The following MEMO1 variants were observed in gnomAD, a reference collection of about 807,000 sequenced individuals.
MEMO1 encodes the protein protein MEMO1.
Under a neutral mutation model 45.2 loss-of-function variants are expected in MEMO1, and 6 were observed. That is an observed-to-expected ratio of 0.13 (90% CI 0.07 to 0.26). The LOEUF (loss-of-function observed/expected upper bound fraction) is 0.26, where lower values mean the gene tolerates loss of function less well. MEMO1 is among the 10% of genes least tolerant of loss of function. The pLI, the probability that MEMO1 is intolerant of heterozygous loss-of-function variation, is 1.00. For synonymous variants in MEMO1, 78 were observed against 124.3 expected, an observed-to-expected ratio of 0.63 and a Z score of 2.48; for missense variants, 184 against 370.5, an observed-to-expected ratio of 0.50 and a Z score of 4.13.
chr2:31,964,435 G>A (rs1402779211), intron 2 of MEMO1, among the ~76,000 whole-genome samples: 3 of 152,102 alleles, frequency 2.0e-5, no homozygotes, highest in Non-Finnish European at 4.4e-5. Context: ...GGTGGCTCAC[G>A]CCTGTAATTC....
At chr2:31,955,224 C>T (rs1035258385) in intron 2 of MEMO1, among the ~76,000 whole-genome samples, 2 of 151,668 alleles carry the variant, frequency 1.3e-5, no homozygotes, top group Non-Finnish European at 2.9e-5. Flanking sequence ...AACAAACAAA[C>T]GTGAGGCCCA....
rs1000594569 is a variant in MEMO1, at chr2:31,885,539, C to T, written c.581-2077G>A. Reference sequence around the variant, plus strand: ...TGATACTAAATTTTTACTTCTATTTCAAAGTTATTTTGACAAAGCTGTCCA... The same window carrying T: ...TGATACTAAATTTTTACTTCTATTTTAAAGTTATTTTGACAAAGCTGTCCA... On this transcript the variant is annotated intron_variant, in intron 7 of 9. Transcript: ENST00000404530. 4.6e-5 allele frequency among the ~76,000 whole-genome samples: 7 copies of T among 152,296 alleles called. No homozygotes were observed. In the East Asian group the frequency reaches 1.3e-3, roughly 29 times the overall value.
intron 3 of MEMO1, among the ~76,000 whole-genome samples, chr2:31,942,908 A>G (rs922418160): frequency 4.0e-4 from 61 of 152,362 alleles, no homozygotes; most frequent in African/African-American, 1.4e-3. Context: ...TCAGCTCAGT[A>G]TAGACTTCAG....
At chr2:31,897,795 C>A (rs1678100730) in intron 6 of MEMO1, among the ~76,000 whole-genome samples, 1 of 152,144 alleles carries the variant, frequency 6.6e-6, no homozygotes, top group Non-Finnish European at 1.5e-5. Context: ...AGGAATGGTA[C>A]CAGCTCCTCT....
rs184639527 is a variant in MEMO1, at chr2:31,907,345, G to A, written c.437+10581C>T. Among the ~76,000 whole-genome samples, 4 of 151,874 alleles carry A rather than the reference G, an allele frequency of 2.6e-5. No individual in the cohort carries two copies. In the East Asian group the frequency reaches 7.7e-4, roughly 29 times the overall value. ...GGCTACAAGATGAGAAAACAAATAG[G>A]GTGTTTCCTTATTTTTGTATTCTCC... On this transcript the variant is annotated intron_variant, in intron 6 of 9. Coordinates refer to ENST00000404530, the MANE Select transcript of MEMO1 (RefSeq NM_001301833.4).
At chr2:31,975,965 G>C (rs1446198096) in intron 2 of MEMO1, among the ~76,000 whole-genome samples, 1 of 152,052 alleles carries the variant, frequency 6.6e-6, no homozygotes, top group Non-Finnish European at 1.5e-5. Context: ...CACAATCTCA[G>C]CTCACCGTAA....
intron 6 of MEMO1, among the ~76,000 whole-genome samples, chr2:31,912,024 T>A (rs1257548620): frequency 6.6e-6 from 1 of 152,034 alleles, no homozygotes; most frequent in South Asian, 2.1e-4. Context: ...TGAACCTCCC[T>A]CAAGAGCAAT....
chr2:31,892,930 A>T (rs933208169), intron 6 of MEMO1, among the ~76,000 whole-genome samples: 1 of 152,128 alleles, frequency 6.6e-6, no homozygotes, highest in Non-Finnish European at 1.5e-5. Context: ...AACCTTTTTT[A>T]AAAATGTTAT....
At chr2:31,889,058 T>C (rs949599366) in intron 7 of MEMO1, among the ~76,000 whole-genome samples, 2 of 152,028 alleles carry the variant, frequency 1.3e-5, no homozygotes, top group African/African-American at 4.8e-5. Context: ...ACAAGAAAAA[T>C]CTTTCCAATT....
chr2:32,003,299 T>C (rs998343387), intron 2 of MEMO1, among the ~76,000 whole-genome samples: 3 of 152,222 alleles, frequency 2.0e-5, no homozygotes, highest in African/African-American at 7.2e-5. Flanking sequence ...ATATATATCA[T>C]AGAAATACTT....
intron 2 of MEMO1, among the ~76,000 whole-genome samples, chr2:31,956,637 A>G (rs538199618): frequency 6.6e-6 from 1 of 152,374 alleles, no homozygotes; most frequent in African/African-American, 2.4e-5. Flanking sequence ...AGTTAAATAA[A>G]TTATGGCAGA....
chr2:31,956,076 C>T (rs1419273427), intron 2 of MEMO1, among the ~76,000 whole-genome samples: 1 of 152,150 alleles, frequency 6.6e-6, no homozygotes, highest in Non-Finnish European at 1.5e-5. Flanking sequence ...GACACAAATG[C>T]TTGAAGTTGA....
At chr2:31,901,210 T>C (rs1220065470) in intron 6 of MEMO1, among the ~76,000 whole-genome samples, 1 of 151,400 alleles carries the variant, frequency 6.6e-6, no homozygotes, top group Non-Finnish European at 1.5e-5. Flanking sequence ...CTGTCTCTAC[T>C]AAAAACACAA....
chr2:31,946,135 T>C (rs897284620), intron 2 of MEMO1, among the ~76,000 whole-genome samples: 1 of 152,236 alleles, frequency 6.6e-6, no homozygotes, highest in Non-Finnish European at 1.5e-5. Context: ...CATTTCATCA[T>C]TGCTAACACA....
At chr2:32,006,372 C>G (rs913740461) in intron 2 of MEMO1, among the ~76,000 whole-genome samples, 2 of 152,150 alleles carry the variant, frequency 1.3e-5, no homozygotes, top group African/African-American at 4.8e-5. Flanking sequence ...CTGGAGAAAA[C>G]AGACTACATT....
chr2:31,972,694 G>A (rs1229579746), intron 2 of MEMO1, among the ~76,000 whole-genome samples: 2 of 152,100 alleles, frequency 1.3e-5, no homozygotes, highest in African/African-American at 2.4e-5. Context: ...CTAGGCAACA[G>A]AGTGAGACTC....
intron 7 of MEMO1, among the ~76,000 whole-genome samples, chr2:31,885,537 T>G (rs1676068786): frequency 6.6e-6 from 1 of 152,244 alleles, no homozygotes; most frequent in South Asian, 2.1e-4. Flanking sequence ...TTACTTCTAT[T>G]TCAAAGTTAT....
chr2:31,982,681 C>T (rs1023891363), intron 2 of MEMO1, among the ~76,000 whole-genome samples: 5 of 151,000 alleles, frequency 3.3e-5, no homozygotes, highest in African/African-American at 7.3e-5. Flanking sequence ...GAAATTGTAA[C>T]GCTAAAGGCA....
intron 2 of MEMO1, among the ~76,000 whole-genome samples, chr2:31,992,434 A>G (rs995401101): frequency 6.6e-6 from 1 of 152,222 alleles, no homozygotes; most frequent in Non-Finnish European, 1.5e-5. Flanking sequence ...GTGGGTTCAT[A>G]TCTCAAATCT....
Sources: allele counts gnomAD v4.1 joint callset (sites outside exome capture counted in the v4.1 genomes callset), GRCh38; gene constraint gnomAD v4.1.1; transcripts MANE v1.5; gene names NCBI Gene and HGNC (gene_info 2026-07-23, HGNC 2026-07-21).